DGKI: variants seen among roughly 807,000 people sequenced by gnomAD.
DGKI encodes the protein DAG kinase iota.
Under a neutral mutation model 147.5 loss-of-function variants are expected in DGKI, and 55 were observed. The ratio of observed to expected loss-of-function variants is 0.37; its 90% CI spans 0.30 to 0.47. The LOEUF (loss-of-function observed/expected upper bound fraction) is 0.47, where lower values mean the gene tolerates loss of function less well. Ranked by LOEUF, DGKI falls within the 20% of genes least tolerant of loss-of-function variation. DGKI has a pLI of 1.00. For synonymous variants in DGKI, 469 were observed against 477.1 expected, an observed-to-expected ratio of 0.98 and a Z score of 0.22; for missense variants, 1,007 against 1,323.8, an observed-to-expected ratio of 0.76 and a Z score of 3.71.
Position 137,672,100 on chromosome 7 carries a change from C to T in DGKI, c.606+6457G>A, listed in dbSNP as rs3778796. The stretch of plus-strand genomic sequence containing the variant: ...TGCAGCTCCCAGCTTCTGACACCAA[C>T]CTGCCTGTCTGCTCACTTACACCTC... On this transcript the variant is annotated intron_variant, in intron 3 of 32. Coordinates refer to ENST00000614521, the MANE Select transcript of DGKI (RefSeq NM_001321708.2). Among the ~76,000 whole-genome samples the T allele has an allele frequency of 1.4e-4, 21 of 152,342 alleles. No individual in the cohort carries two copies. The East Asian group carries it at 3.9e-3, about 28-fold the overall frequency.
At chr7:137,726,841 T>C (rs985632965) in intron 1 of DGKI, among the ~76,000 whole-genome samples, 2 of 152,252 alleles carry the variant, frequency 1.3e-5, no homozygotes, top group Non-Finnish European at 2.9e-5. Flanking sequence ...TCACTTCTTC[T>C]GTTTTAATTT....
In DGKI at chr7:137,386,975, T is replaced by C. The variant is rs1175549536; in HGVS notation, c.*4245A>G. On this transcript the variant is annotated 3_prime_UTR_variant, in exon 33 of 33. Coordinates refer to ENST00000614521, the MANE Select transcript of DGKI (RefSeq NM_001321708.2). ...ATTTGATGGTTATGATGAGCCATTT[T>C]AACAAAGTCCCATTTTTAAATAGCA... The C allele has an allele frequency of 6.6e-6, 1 of 152,198 alleles. No individual in the cohort carries two copies. 9.4% of individuals were successfully genotyped at this position (152,198 alleles called of 1,614,324 possible).
intron 6 of DGKI, among the ~76,000 whole-genome samples, chr7:137,626,566 A>G (rs1820948744): frequency 6.6e-6 from 1 of 152,242 alleles, no homozygotes; most frequent in East Asian, 1.9e-4. Context: ...ATAAGATGGC[A>G]CCAAAACTGC....
At position 137,466,960 on chromosome 7, in the gene DGKI, C is replaced by G; in HGVS notation, c.2444-18G>C. On this transcript the variant is annotated intron_variant, in intron 24 of 32. Transcript: ENST00000614521. ...AGAAGTTGCTAGGGGAAAAAAAATG[C>G]AGATGGCATTCAGAATGTTCTGTAA... 6.2e-7 allele frequency: 1 copy of G among 1,613,714 alleles called. No homozygotes were observed. The highest frequency in any genetic ancestry group is 8.5e-7 in the Non-Finnish European group (1 of 1,179,666).
chr7:137,735,761 A>C (rs532237912), intron 1 of DGKI, among the ~76,000 whole-genome samples: 1 of 152,204 alleles, frequency 6.6e-6, no homozygotes, highest in East Asian at 1.9e-4. Context: ...CTCCAAATGT[A>C]AAGTTAAGCA....
chr7:137,501,842 C>G (rs1015203411), intron 21 of DGKI, among the ~76,000 whole-genome samples: 4 of 152,126 alleles, frequency 2.6e-5, no homozygotes, highest in African/African-American at 9.7e-5. Flanking sequence ...GTGACCCCAC[C>G]CAAATCTCAT....
intron 1 of DGKI, among the ~76,000 whole-genome samples, chr7:137,764,849 A>G (rs553452046): frequency 2.0e-5 from 3 of 152,042 alleles, no homozygotes; most frequent in South Asian, 2.1e-4. Flanking sequence ...TACCTCTCCA[A>G]TCTCTTCCTC....
intron 1 of DGKI, among the ~76,000 whole-genome samples, chr7:137,750,757 A>G (rs185931664): frequency 2.6e-5 from 4 of 152,292 alleles, no homozygotes; most frequent in Admixed American, 2.0e-4. Context: ...TTACTCCTAC[A>G]TCTGTGACCT....
chr7:137,662,273 C>T (rs1182255383), intron 3 of DGKI, among the ~76,000 whole-genome samples: 1 of 141,294 alleles, frequency 7.1e-6, no homozygotes, highest in Non-Finnish European at 1.5e-5. Flanking sequence ...GACAGAGTCT[C>T]ACTTTGTTGC....
intron 27 of DGKI, among the ~76,000 whole-genome samples, chr7:137,444,967 T>C (rs951988609): frequency 1.1e-4 from 16 of 152,126 alleles, no homozygotes; most frequent in Non-Finnish European, 1.0e-4. Context: ...AGACAAGACA[T>C]CACATACTTC....
intron 28 of DGKI, among the ~76,000 whole-genome samples, chr7:137,412,796 C>T (rs1371681898): frequency 1.3e-5 from 2 of 152,032 alleles, no homozygotes; most frequent in Non-Finnish European, 2.9e-5. Flanking sequence ...GGAATCAAGT[C>T]TATTTTAATT....
At chr7:137,480,252 C>T (rs1420383400) in intron 23 of DGKI, among the ~76,000 whole-genome samples, 1 of 152,090 alleles carries the variant, frequency 6.6e-6, no homozygotes, top group Non-Finnish European at 1.5e-5. Context: ...TGGCATTCTC[C>T]AAAGTTTCTA....
chr7:137,803,305 AC>A (rs1262208675), intron 1 of DGKI, among the ~76,000 whole-genome samples: 1 of 152,242 alleles, frequency 6.6e-6, no homozygotes, highest in African/African-American at 2.4e-5. Flanking sequence ...CAGAGGCCTT[AC>A]ATTCCAGTAT....
At chr7:137,741,424 C>T (rs1039784506) in intron 1 of DGKI, among the ~76,000 whole-genome samples, 1 of 152,234 alleles carries the variant, frequency 6.6e-6, no homozygotes, top group African/African-American at 2.4e-5. Context: ...ATTACCCACA[C>T]TTAAAGAAGA....
intron 22 of DGKI, 117 bp downstream of exon 22, chr7:137,487,493 C>G: frequency 1.1e-6 from 1 of 908,780 alleles, no homozygotes; most frequent in Non-Finnish European, 1.8e-6. Flanking sequence ...AGGACAAAGC[C>G]ACCACATTTC....
chr7:137,684,329 T>G (rs1823341747), intron 2 of DGKI, among the ~76,000 whole-genome samples: 1 of 152,224 alleles, frequency 6.6e-6, no homozygotes, highest in Non-Finnish European at 1.5e-5. Context: ...CCTAATAATT[T>G]TTATGTTGAT....
intron 28 of DGKI, among the ~76,000 whole-genome samples, chr7:137,414,083 T>A (rs1812265396): frequency 6.6e-6 from 1 of 152,220 alleles, no homozygotes; most frequent in South Asian, 2.1e-4. Context: ...TAGCCAAAAG[T>A]GCTGTATCAT....
At chr7:137,582,310 C>T (rs556791668) in intron 14 of DGKI, among the ~76,000 whole-genome samples, 199 of 152,140 alleles carry the variant, frequency 1.3e-3, no homozygotes, top group Non-Finnish European at 2.6e-3. Context: ...AAGATAATGT[C>T]TAACCAACTT....
chr7:137,780,335 C>T (rs980638140), intron 1 of DGKI, among the ~76,000 whole-genome samples: 2 of 152,156 alleles, frequency 1.3e-5, no homozygotes, highest in Admixed American at 6.5e-5. Flanking sequence ...ACTTGTAATA[C>T]TTTGATCAGA....
Sources: allele counts gnomAD v4.1 joint callset (sites outside exome capture counted in the v4.1 genomes callset), GRCh38; gene constraint gnomAD v4.1.1; transcripts MANE v1.5; gene names NCBI Gene and HGNC (gene_info 2026-07-23, HGNC 2026-07-21).